Variants in STMND1 observed in about 807,000 individuals in gnomAD.
STMND1 encodes stathmin domain-containing protein 1.
Under a neutral mutation model 23.0 loss-of-function variants are expected in STMND1, and 17 were observed. That is an observed-to-expected ratio of 0.74 (90% CI 0.51 to 1.11). STMND1 has a LOEUF of 1.11. STMND1 is among the 50% of genes least tolerant of loss of function. The pLI is 0.00. For synonymous variants in STMND1, 114 were observed against 119.9 expected (o/e 0.95, Z 0.32); for missense variants, 305 against 329.1 (o/e 0.93, Z 0.57).
At chr6:17,107,843 T>C (rs186042594) in intron 1 of STMND1, among the ~76,000 whole-genome samples, 1 of 152,362 alleles carries the variant, frequency 6.6e-6, no homozygotes, top group East Asian at 1.9e-4. Flanking sequence ...TGTGAAAATA[T>C]AAATTCTTCA....
chr6:17,114,833 A>G (rs753965427), intron 1 of STMND1, 129 bp from the exon 2 acceptor site: 62 of 1,006,376 alleles, frequency 6.2e-5, no homozygotes, highest in Non-Finnish European at 8.1e-5. Context: ...ACCCCGATCT[A>G]TGGCTTTCTG....
chr6:17,111,467 G>A (rs1761095774), intron 1 of STMND1, among the ~76,000 whole-genome samples: 1 of 152,086 alleles, frequency 6.6e-6, no homozygotes, highest in Admixed American at 6.6e-5. Context: ...TGAAAAGTTA[G>A]AAACACCTAC....
intron 1 of STMND1, among the ~76,000 whole-genome samples, chr6:17,106,580 C>A (rs184610857): frequency 1.7e-4 from 26 of 152,208 alleles, no homozygotes; most frequent in Non-Finnish European, 1.5e-5. Context: ...TAGCCCCAAG[C>A]ACTTGACTTT....
chr6:17,111,318 CAT>C (rs1313044718), intron 1 of STMND1, among the ~76,000 whole-genome samples: 2 of 152,150 alleles, frequency 1.3e-5, no homozygotes, highest in Non-Finnish European at 2.9e-5. Flanking sequence ...TCTGGAAACA[CAT>C]ATTAATATAA....
At chr6:17,105,719 G>A (rs1401428754) in intron 1 of STMND1, among the ~76,000 whole-genome samples, 1 of 151,508 alleles carries the variant, frequency 6.6e-6, no homozygotes, top group Admixed American at 6.6e-5. Context: ...AAGGTCAGGA[G>A]ATCGAGACCA....
At position 17,130,680 on chromosome 6, in the gene STMND1, G is replaced by A. The variant is rs1330923583; in HGVS notation, c.630G>A (p.Gly210=). The change falls in exon 5 of 5, where the codon GGG becomes GGA. Residue 210 remains glycine, a synonymous_variant. Coordinates refer to ENST00000536551, the MANE Select transcript of STMND1 (RefSeq NM_001190766.2). ...ANHSDSAELD[G]AEVAFAKGLQ... ...ACTCAGATTCAGCTGAATTAGATGG[G>A]GCCGAGGTTGCATTTGCCAAAGGAC... 3 of 1,536,052 alleles carry A rather than the reference G, an allele frequency of 2.0e-6. No homozygotes were observed. Among genetic ancestry groups the A allele is most frequent in the African/African-American group, 1.4e-5 (1 of 73,148 alleles).
At chr6:17,126,550 C>G (rs998520287) in intron 3 of STMND1, among the ~76,000 whole-genome samples, 9 of 152,128 alleles carry the variant, frequency 5.9e-5, no homozygotes, top group African/African-American at 1.4e-4. Context: ...TTTCTTTTAG[C>G]CTTCTACGCA....
chr6:17,105,146 C>A (rs1412372096), intron 1 of STMND1, among the ~76,000 whole-genome samples: 4 of 152,124 alleles, frequency 2.6e-5, no homozygotes, highest in Non-Finnish European at 1.5e-5. Context: ...AAATACTACA[C>A]CATTTTCTAT....
At chr6:17,109,678 C>A (rs1225481035) in intron 1 of STMND1, among the ~76,000 whole-genome samples, 1 of 152,170 alleles carries the variant, frequency 6.6e-6, no homozygotes, top group Admixed American at 6.5e-5. Flanking sequence ...GGTTGCTTCT[C>A]ACAGTACACT....
At chr6:17,117,412 C>T (rs1761175589) in intron 2 of STMND1, among the ~76,000 whole-genome samples, 1 of 152,004 alleles carries the variant, frequency 6.6e-6, no homozygotes, top group Admixed American at 6.6e-5. Context: ...ATCTATAGAT[C>T]ATATTCAAAT....
At chr6:17,106,344 G>T (rs1035404339) in intron 1 of STMND1, among the ~76,000 whole-genome samples, 1 of 152,120 alleles carries the variant, frequency 6.6e-6, no homozygotes, top group Non-Finnish European at 1.5e-5. Flanking sequence ...CCTCCTTGAG[G>T]ACAGGCACTG....
chr6:17,128,217 C>A (rs1166736458), intron 3 of STMND1: 1 of 152,154 alleles, frequency 6.6e-6, no homozygotes, highest in Admixed American at 6.5e-5. Flanking sequence ...ATTAGAAAGT[C>A]ATCATTACTG....
intron 1 of STMND1, chr6:17,110,767 C>CA: frequency 2.2e-6 from 1 of 454,516 alleles, no homozygotes; most frequent in Non-Finnish European, 4.4e-6. Context: ...GACTCTGTCT[C>CA]AAAAAAATAA....
chr6:17,121,869 T>TA (rs1224320065), intron 3 of STMND1, among the ~76,000 whole-genome samples: 1 of 151,864 alleles, frequency 6.6e-6, no homozygotes, highest in Non-Finnish European at 1.5e-5. Context: ...CTAAATTTTT[T>TA]TTTTTTTTTT....
At chr6:17,121,003 G>A (rs1374115138) in intron 3 of STMND1, among the ~76,000 whole-genome samples, 1 of 152,176 alleles carries the variant, frequency 6.6e-6, no homozygotes, top group Non-Finnish European at 1.5e-5. Flanking sequence ...GGGACCAGGT[G>A]GAGGTAATTG....
intron 2 of STMND1, among the ~76,000 whole-genome samples, chr6:17,116,614 A>G (rs991092348): frequency 6.6e-6 from 1 of 151,840 alleles, no homozygotes; most frequent in Admixed American, 6.6e-5. Context: ...TAATTTTTGT[A>G]TTTTTAATAG....
intron 1 of STMND1, among the ~76,000 whole-genome samples, chr6:17,108,578 G>A (rs1225666315): frequency 6.6e-6 from 1 of 152,104 alleles, no homozygotes; most frequent in Non-Finnish European, 1.5e-5. Flanking sequence ...TTGGCTTTTA[G>A]TAGTTTATTT....
At chr6:17,105,653 A>C (rs1581365027) in intron 1 of STMND1, among the ~76,000 whole-genome samples, 1 of 149,776 alleles carries the variant, frequency 6.7e-6, no homozygotes, top group Non-Finnish European at 1.5e-5. Flanking sequence ...GTCTCAAAAA[A>C]TAAAATAAAA....
At chr6:17,121,112 A>G (rs535151024) in intron 3 of STMND1, among the ~76,000 whole-genome samples, 1 of 152,084 alleles carries the variant, frequency 6.6e-6, no homozygotes, top group Non-Finnish European at 1.5e-5. Context: ...CCCTGCTTGC[A>G]CTCATTCTCT....
Sources: gnomAD v4.1 joint callset for allele counts (sites outside exome capture counted in the v4.1 genomes callset) on GRCh38, gnomAD v4.1.1 for gene constraint, MANE v1.5 for transcripts, NCBI Gene and HGNC (gene_info 2026-07-23, HGNC 2026-07-21) for gene names.